C12orf42: variants seen among roughly 807,000 people sequenced by gnomAD.
C12orf42 encodes the protein chromosome 12 open reading frame 42.
A neutral mutation model predicts 21.6 loss-of-function variants in C12orf42; 25 were observed. The observed-to-expected ratio is 1.16, with a 90% CI of 0.84 to 1.62. The LOEUF (loss-of-function observed/expected upper bound fraction) is 1.62, where lower values mean the gene tolerates loss of function less well. Among genes scored for constraint, C12orf42 ranks in the 40% most tolerant of loss-of-function variants. C12orf42 has a pLI of 0.00. For synonymous variants in C12orf42, 174 were observed against 175.0 expected (o/e 0.99, Z 0.05); for missense variants, 483 against 459.3 (o/e 1.05, Z -0.47).
chr12:103,148,165 C>T, the C12orf42 span, among the ~76,000 whole-genome samples: 45,096 of 151,994 alleles, frequency 0.3, 7,106 homozygotes, highest in East Asian at 0.4. Context: ...ATTGGATCCT[C>T]ACTGTGGTGT....
At chr12:103,492,536 T>G (rs577353502) in intron 1 of C12orf42, among the ~76,000 whole-genome samples, 1 of 152,362 alleles carries the variant, frequency 6.6e-6, no homozygotes, top group African/African-American at 2.4e-5. Flanking sequence ...TTCTACTTAT[T>G]CATGGCATCC....
intron 1 of C12orf42, among the ~76,000 whole-genome samples, chr12:103,488,621 C>G (rs1335941068): frequency 2.0e-5 from 3 of 152,134 alleles, no homozygotes; most frequent in Non-Finnish European, 2.9e-5. Context: ...TTCACATAGT[C>G]CCATATTTCT....
intron 4 of C12orf42, among the ~76,000 whole-genome samples, chr12:103,331,629 G>A (rs2041245558): frequency 6.6e-6 from 1 of 152,208 alleles, no homozygotes; most frequent in Non-Finnish European, 1.5e-5. Context: ...TACTCATGTA[G>A]AGGGTTGACA....
At chr12:103,541,666 A>C in the C12orf42 span, among the ~76,000 whole-genome samples, 1 of 152,248 alleles carries the variant, frequency 6.6e-6, no homozygotes, top group Non-Finnish European at 1.5e-5. Context: ...CTTACAAAAA[A>C]AAAGTTTACT....
intron 1 of C12orf42, among the ~76,000 whole-genome samples, chr12:103,486,430 TTC>T (rs1954836686): frequency 6.6e-6 from 1 of 151,992 alleles, no homozygotes; most frequent in African/African-American, 2.4e-5. Context: ...GGGGCTAAAA[TTC>T]TCTTTTTTTT....
chr12:103,449,248 CA>C (rs1044631091), intron 2 of C12orf42, among the ~76,000 whole-genome samples: 11 of 151,934 alleles, frequency 7.2e-5, no homozygotes, highest in African/African-American at 2.7e-4. Context: ...ATGGAAAAAC[CA>C]AACATTGTAT....
the C12orf42 span, among the ~76,000 whole-genome samples, chr12:103,120,448 C>G: frequency 6.6e-6 from 1 of 152,106 alleles, no homozygotes; most frequent in Non-Finnish European, 1.5e-5. Context: ...ACAGTGCTAA[C>G]AGTGTGGGAA....
chr12:103,528,903 T>C, the C12orf42 span, among the ~76,000 whole-genome samples: 1 of 152,158 alleles, frequency 6.6e-6, no homozygotes, highest in African/African-American at 2.4e-5. Flanking sequence ...TTTTAGACAA[T>C]GAGGAAACCA....
chr12:103,057,776 C>CA, the C12orf42 span, among the ~76,000 whole-genome samples: 2 of 152,048 alleles, frequency 1.3e-5, no homozygotes, highest in Non-Finnish European at 2.9e-5. Context: ...GGAATCACCA[C>CA]ACCATCTTCT....
the C12orf42 span, chr12:103,506,087 C>A: frequency 9.0e-6 from 2 of 221,574 alleles, no homozygotes; most frequent in South Asian, 7.9e-5. Context: ...TGAGTGAACC[C>A]CTGGAGCTTT....
At chr12:103,137,656 T>C in the C12orf42 span, among the ~76,000 whole-genome samples, 2 of 151,916 alleles carry the variant, frequency 1.3e-5, no homozygotes, top group African/African-American at 2.4e-5. Flanking sequence ...ATAAAGAAAA[T>C]GTGGTATACA....
chr12:103,334,018 AT>A, intron 4 of C12orf42, among the ~76,000 whole-genome samples: 1 of 152,330 alleles, frequency 6.6e-6, no homozygotes, highest in Middle Eastern at 3.4e-3. Flanking sequence ...AGTGTGAACA[AT>A]TTTAGCTTAA....
At chr12:103,080,034 T>C in the C12orf42 span, among the ~76,000 whole-genome samples, 3 of 152,168 alleles carry the variant, frequency 2.0e-5, no homozygotes, top group Non-Finnish European at 4.4e-5. Flanking sequence ...ACCACAGACA[T>C]TATATATACA....
chr12:103,297,385 C>T (rs2037363377), downstream of C12orf42, among the ~76,000 whole-genome samples: 1 of 152,002 alleles, frequency 6.6e-6, no homozygotes, highest in African/African-American at 2.4e-5. Flanking sequence ...TACATACACC[C>T]TTGCAAGACT....
the C12orf42 span, among the ~76,000 whole-genome samples, chr12:103,106,605 T>C: frequency 6.6e-6 from 1 of 151,218 alleles, no homozygotes; most frequent in East Asian, 1.9e-4. Context: ...GAATACAGAG[T>C]TTAAAATTAT....
chr12:103,073,593 G>A, the C12orf42 span, among the ~76,000 whole-genome samples: 10 of 152,132 alleles, frequency 6.6e-5, no homozygotes, highest in African/African-American at 2.4e-4. Flanking sequence ...AATTTGCAGA[G>A]ATATTATTCT....
chr12:103,160,950 G>A, the C12orf42 span, among the ~76,000 whole-genome samples: 3 of 152,314 alleles, frequency 2.0e-5, no homozygotes, highest in South Asian at 6.2e-4. Flanking sequence ...CTCAGCTGCG[G>A]AAAGGTAGAA....
intron 6 of C12orf42, among the ~76,000 whole-genome samples, chr12:103,269,552 C>A (rs181961227): frequency 2.0e-5 from 3 of 152,284 alleles, no homozygotes; most frequent in African/African-American, 7.2e-5. Flanking sequence ...ATTTATCAAT[C>A]AGTGTTTAAT....
At chr12:103,343,864 C>T in intron 4 of C12orf42, among the ~76,000 whole-genome samples, 1 of 151,918 alleles carries the variant, frequency 6.6e-6, no homozygotes, top group South Asian at 2.1e-4. Context: ...TTTACTAATA[C>T]CCCAATTAAA....
Sources: allele counts gnomAD v4.1 joint callset (sites outside exome capture counted in the v4.1 genomes callset), GRCh38; gene constraint gnomAD v4.1.1; transcripts MANE v1.5; gene names NCBI Gene and HGNC (gene_info 2026-07-23, HGNC 2026-07-21).